Variants in ZC3HAV1 observed in about 807,000 individuals in gnomAD.
ZC3HAV1 encodes zinc finger CCCH-type antiviral protein 1.
ZC3HAV1 carries 41 observed loss-of-function variants against 86.6 expected under a neutral mutation model. The ratio of observed to expected loss-of-function variants is 0.47; its 90% CI spans 0.37 to 0.61. The LOEUF (loss-of-function observed/expected upper bound fraction) is 0.61, where lower values mean the gene tolerates loss of function less well. Among genes scored for constraint, ZC3HAV1 ranks in the 20% least tolerant of loss-of-function variants. ZC3HAV1 has a pLI of 0.00. For synonymous variants in ZC3HAV1, 421 were observed against 432.1 expected, an observed-to-expected ratio of 0.97 and a Z score of 0.32; for missense variants, 964 against 1,141.1, an observed-to-expected ratio of 0.84 and a Z score of 2.24.
chr7:139,053,743 T>C (rs1816204165), intron 11 of ZC3HAV1, among the ~76,000 whole-genome samples, 162 bp from the exon 12 acceptor site: 1 of 148,048 alleles, frequency 6.8e-6, no homozygotes, highest in Non-Finnish European at 1.5e-5. Flanking sequence ...AATAAATTTA[T>C]GAAAACTTTT....
chr7:139,090,074 C>T (rs1817386376), intron 1 of ZC3HAV1, among the ~76,000 whole-genome samples: 1 of 152,080 alleles, frequency 6.6e-6, no homozygotes, highest in South Asian at 2.1e-4. Flanking sequence ...CACGCACCAC[C>T]ACACCCGGCT....
intron 2 of ZC3HAV1, among the ~76,000 whole-genome samples, chr7:139,087,995 GCACTA>G (rs1817318981): frequency 8.0e-6 from 1 of 125,662 alleles, no homozygotes; most frequent in Non-Finnish European, 1.5e-5. Flanking sequence ...TCATGTCATT[GCACTA>G]CAGCCCGGGT....
chr7:139,085,004 T>C (rs1283567983), intron 2 of ZC3HAV1, among the ~76,000 whole-genome samples: 1 of 152,234 alleles, frequency 6.6e-6, no homozygotes, highest in Non-Finnish European at 1.5e-5. Context: ...AATAGATATA[T>C]GTAACTGCTA....
intron 1 of ZC3HAV1, among the ~76,000 whole-genome samples, chr7:139,090,491 TG>T (rs746806248): frequency 1.4e-4 from 22 of 152,328 alleles, no homozygotes; most frequent in Admixed American, 5.2e-4. Flanking sequence ...TAAATTAGAC[TG>T]GATATTAAGT....
Position 139,089,664 on chromosome 7 carries a change from G to A in ZC3HAV1, c.404C>T (p.Ala135Val). Residue 135 changes from alanine to valine, a missense_variant, in exon 2 of 13, where the codon GCA becomes GTA. Physicochemically the swap from Ala to Val is moderately conservative, Grantham distance 64. Coordinates refer to ENST00000242351, the MANE Select transcript of ZC3HAV1 (RefSeq NM_020119.4). ...AGGATCACTTTGGAGGAGGAGCACT[G>A]CTAATTCCTCTTTGTTCAGTCCAGA... ...ELSGLNKEEL[A>V]VLLLQSDPFF... 6.2e-7 allele frequency: 1 copy of A among 1,612,262 alleles called. No homozygotes were observed. The highest frequency in any genetic ancestry group is 8.5e-7 in the Non-Finnish European group (1 of 1,179,280).
At chr7:139,094,418 G>A (rs1382578671) in intron 1 of ZC3HAV1, among the ~76,000 whole-genome samples, 1 of 150,898 alleles carries the variant, frequency 6.6e-6, no homozygotes, top group Non-Finnish European at 1.5e-5. Context: ...GACAAAACAA[G>A]CGTTTGCAGA....
At chr7:139,054,635 G>A (rs1272941656) in intron 10 of ZC3HAV1, among the ~76,000 whole-genome samples, 3 of 152,212 alleles carry the variant, frequency 2.0e-5, no homozygotes, top group African/African-American at 7.2e-5. Context: ...TCACATGGCT[G>A]TTGCGAGGAT....
chr7:139,065,631 T>C (rs764746727), intron 7 of ZC3HAV1, among the ~76,000 whole-genome samples: 22 of 152,092 alleles, frequency 1.4e-4, no homozygotes, highest in Non-Finnish European at 2.5e-4. Context: ...GGTGGCCGGG[T>C]GCAGTGGCTC....
At chr7:139,051,620 C>T (rs912303718) in intron 12 of ZC3HAV1, among the ~76,000 whole-genome samples, 1 of 152,038 alleles carries the variant, frequency 6.6e-6, no homozygotes, top group Non-Finnish European at 1.5e-5. Context: ...GATAAGGTCT[C>T]GCCATGTTGC....
At chr7:139,102,289 G>T (rs1817796996) in intron 1 of ZC3HAV1, among the ~76,000 whole-genome samples, 1 of 152,044 alleles carries the variant, frequency 6.6e-6, no homozygotes, top group African/African-American at 2.4e-5. Flanking sequence ...GTGTGCCACT[G>T]TGTCCAACTA....
intron 8 of ZC3HAV1, 122 bp downstream of exon 8, chr7:139,064,757 C>A: frequency 6.6e-7 from 1 of 1,512,628 alleles, no homozygotes; most frequent in Non-Finnish European, 9.0e-7. Context: ...CACTCCACCG[C>A]CTTGCTAAAT....
intron 2 of ZC3HAV1, 145 bp downstream of exon 2, chr7:139,089,479 C>T: frequency 9.4e-7 from 1 of 1,062,064 alleles, no homozygotes; most frequent in Non-Finnish European, 1.3e-6. Flanking sequence ...TCTGGGATCT[C>T]TTAGTTCACT....
At chr7:139,074,352 T>A (rs935886136) in intron 6 of ZC3HAV1, among the ~76,000 whole-genome samples, 4 of 152,252 alleles carry the variant, frequency 2.6e-5, no homozygotes, top group Admixed American at 2.0e-4. Flanking sequence ...GGTCCATTTT[T>A]AAAATTATTT....
intron 12 of ZC3HAV1, among the ~76,000 whole-genome samples, chr7:139,049,125 C>CTT (rs754435812): frequency 9.6e-5 from 12 of 125,408 alleles, no homozygotes; most frequent in East Asian, 6.8e-4. Context: ...TCTCTCTCTC[C>CTT]TTTTTTTTTT....
intron 1 of ZC3HAV1, among the ~76,000 whole-genome samples, chr7:139,103,671 A>C (rs1200773258): frequency 6.6e-6 from 1 of 152,186 alleles, no homozygotes; most frequent in African/African-American, 2.4e-5. Flanking sequence ...ACCAGGAAAC[A>C]CTTGCACGTA....
intron 7 of ZC3HAV1, among the ~76,000 whole-genome samples, chr7:139,069,210 T>C (rs1816696693): frequency 1.3e-5 from 2 of 152,202 alleles, no homozygotes; most frequent in South Asian, 2.1e-4. Context: ...ATTAGTTTAA[T>C]AGCCATAATG....
At chr7:139,098,447 C>T (rs565192274) in intron 1 of ZC3HAV1, among the ~76,000 whole-genome samples, 2 of 152,124 alleles carry the variant, frequency 1.3e-5, no homozygotes, top group East Asian at 1.9e-4. Context: ...TGTTAGGAAA[C>T]GATTTCCCTT....
At chr7:139,056,392 C>CCTTTAT (rs1816282945) in intron 9 of ZC3HAV1, among the ~76,000 whole-genome samples, 1 of 103,510 alleles carries the variant, frequency 9.7e-6, no homozygotes, top group Non-Finnish European at 1.9e-5. Flanking sequence ...TTTTTTTTTT[C>CCTTTAT]CTTTTTCTTT....
At chr7:139,094,686 C>A (rs1817532987) in intron 1 of ZC3HAV1, among the ~76,000 whole-genome samples, 5 of 152,180 alleles carry the variant, frequency 3.3e-5, no homozygotes, top group Admixed American at 2.0e-4. Flanking sequence ...AAACAACTAG[C>A]CTGCACAGTG....
Sources: allele counts gnomAD v4.1 joint callset (sites outside exome capture counted in the v4.1 genomes callset), GRCh38; gene constraint gnomAD v4.1.1; transcripts MANE v1.5; gene names NCBI Gene and HGNC (gene_info 2026-07-23, HGNC 2026-07-21).